FARS2: variants seen among roughly 807,000 people sequenced by gnomAD.
FARS2 encodes phenylalanine--tRNA ligase, mitochondrial.
In FARS2, 40 loss-of-function variants were observed where a neutral mutation model predicts 46.4. The ratio of observed to expected loss-of-function variants is 0.86; its 90% CI spans 0.67 to 1.12. The LOEUF (loss-of-function observed/expected upper bound fraction) is 1.12. Among genes scored for constraint, FARS2 ranks in the 50% most tolerant of loss-of-function variants. FARS2 has a pLI of 0.00. For missense variants in FARS2, 513 were observed against 567.9 expected, an observed-to-expected ratio of 0.90 and a Z score of 0.98; for synonymous variants, 234 against 214.9, an observed-to-expected ratio of 1.09 and a Z score of -0.78.
chr6:5,750,273 TG>T (rs1761872481), intron 6 of FARS2, among the ~76,000 whole-genome samples: 1 of 150,848 alleles, frequency 6.6e-6, no homozygotes, highest in African/African-American at 2.4e-5. Context: ...AGGTCGGGGG[TG>T]GGGCAGGATA....
intron 6 of FARS2, among the ~76,000 whole-genome samples, chr6:5,735,711 A>G (rs1021168023): frequency 6.6e-6 from 1 of 152,186 alleles, no homozygotes; most frequent in Non-Finnish European, 1.5e-5. Context: ...CGTATTTGCT[A>G]TTAATAACCG....
intron 1 of FARS2, among the ~76,000 whole-genome samples, chr6:5,354,475 A>G (rs1757785490): frequency 6.6e-6 from 1 of 151,980 alleles, no homozygotes; most frequent in African/African-American, 2.4e-5. Flanking sequence ...TCTGTTTAAT[A>G]GTACAGTAAC....
chr6:5,268,232 G>T lies in FARS2; in HGVS notation c.-22+6572G>T, dbSNP rs561946893. ...AATTAGATCCCATTTGTCAATTTTGGCTTTTGTTGCCATTGCTTTTGGTGT... is the reference window on the plus strand; with the variant it reads ...AATTAGATCCCATTTGTCAATTTTGTCTTTTGTTGCCATTGCTTTTGGTGT... On this transcript the variant is annotated intron_variant, in intron 1 of 6. Coordinates refer to ENST00000274680, the MANE Select transcript of FARS2 (RefSeq NM_006567.5). Among the ~76,000 whole-genome samples the T allele has an allele frequency of 6.4e-3, 976 of 151,394 alleles. 10 individuals carry two copies. The highest frequency in any genetic ancestry group is 0.044 in the South Asian group (209 of 4,764).
intron 6 of FARS2, among the ~76,000 whole-genome samples, chr6:5,737,498 T>A (rs542982682): frequency 1.3e-5 from 2 of 152,170 alleles, no homozygotes; most frequent in Non-Finnish European, 2.9e-5. Context: ...GCCACTGCAG[T>A]CCAGCCTGGG....
intron 3 of FARS2, among the ~76,000 whole-genome samples, chr6:5,427,692 G>T (rs6911195): frequency 0.48 from 73,587 of 151,834 alleles, 18,058 homozygotes; most frequent in Non-Finnish European, 0.52. Flanking sequence ...ATCGGCTAAC[G>T]TCCCTGCTTT....
At chr6:5,737,296 G>A (rs776175861) in intron 6 of FARS2, among the ~76,000 whole-genome samples, 2 of 152,216 alleles carry the variant, frequency 1.3e-5, no homozygotes, top group Non-Finnish European at 2.9e-5. Flanking sequence ...GCTTCGGGAG[G>A]CCAAGGTGGG....
chr6:5,716,849 G>A (rs1759524629), intron 6 of FARS2, among the ~76,000 whole-genome samples: 3 of 152,180 alleles, frequency 2.0e-5, no homozygotes, highest in Admixed American at 2.0e-4. Context: ...CCCTCTCTGG[G>A]TACACTACCC....
At position 5,369,072 on chromosome 6, in the gene FARS2, C is replaced by A; in HGVS notation, c.502C>A (p.Leu168Met). The change falls in exon 2 of 7, where the codon CTG (leucine) becomes ATG (methionine). Residue 168 changes from leucine to methionine, a missense_variant. Leu to Met is a conservative substitution (Grantham distance 15). Coordinates refer to ENST00000274680, the MANE Select transcript of FARS2 (RefSeq NM_006567.5). ...AHQWDLLHAGLDAFLVVGDVY... is the reference protein window; with the variant it reads ...AHQWDLLHAGMDAFLVVGDVY... ...CCAGTGGGACTTGCTGCACGCGGGA[C>A]TGGATGCCTTCCTGGTGGTGGGTGA... 6.2e-7 allele frequency: 1 copy of A among 1,614,036 alleles called. No individual in the cohort carries two copies. The highest frequency in any genetic ancestry group is 2.2e-5 in the East Asian group (1 of 44,872).
At position 5,683,709 on chromosome 6, in the gene FARS2, C is replaced by T. The variant is rs181756819; in HGVS notation, c.1217+70389C>T. 9.6e-4 allele frequency among the ~76,000 whole-genome samples: 146 copies of T among 152,086 alleles called. 2 individuals carry two copies. Among genetic ancestry groups the T allele is most frequent in the African/African-American group, 2.5e-3 (102 of 41,464 alleles). ...TGGTGGTTTGCTGCACCCGTCAACC[C>T]GTCATCTAGGTTTTAAGCCCCGGAG... On this transcript the variant is annotated intron_variant, in intron 6 of 6. Coordinates refer to ENST00000274680, the MANE Select transcript of FARS2 (RefSeq NM_006567.5).
chr6:5,664,542 G>A (rs1175415478), intron 6 of FARS2, among the ~76,000 whole-genome samples: 1 of 152,152 alleles, frequency 6.6e-6, no homozygotes, highest in Non-Finnish European at 1.5e-5. Flanking sequence ...CTCCACTTCT[G>A]TTTTAAATGA....
chr6:5,431,782 T>G, intron 4 of FARS2: 1 of 467,048 alleles, frequency 2.1e-6, no homozygotes, highest in Non-Finnish European at 4.5e-6. Flanking sequence ...AGACCATTGC[T>G]TAATAAAAAT....
intron 5 of FARS2, among the ~76,000 whole-genome samples, chr6:5,602,001 T>C (rs1774548858): frequency 6.6e-6 from 1 of 152,114 alleles, no homozygotes; most frequent in Non-Finnish European, 1.5e-5. Context: ...CCCTCTCCTG[T>C]TTGACATGCA....
At chr6:5,428,247 G>C (rs1562033079) in intron 3 of FARS2, among the ~76,000 whole-genome samples, 2 of 152,162 alleles carry the variant, frequency 1.3e-5, no homozygotes, top group Non-Finnish European at 2.9e-5. Flanking sequence ...ACAGTTGTGA[G>C]AGATGGAGTT....
At chr6:5,461,584 G>T (rs1021836503) in intron 4 of FARS2, among the ~76,000 whole-genome samples, 2 of 151,822 alleles carry the variant, frequency 1.3e-5, no homozygotes, top group African/African-American at 4.8e-5. Context: ...TTTGAGAGGG[G>T]GGTCTCACTG....
chr6:5,330,182 A>C (rs966613440), intron 1 of FARS2, among the ~76,000 whole-genome samples: 1 of 152,216 alleles, frequency 6.6e-6, no homozygotes, highest in Non-Finnish European at 1.5e-5. Flanking sequence ...ATCAATCAAG[A>C]TACCACAGAA....
chr6:5,483,303 C>A (rs547519813), intron 4 of FARS2, among the ~76,000 whole-genome samples: 1 of 152,196 alleles, frequency 6.6e-6, no homozygotes, highest in Non-Finnish European at 1.5e-5. Context: ...GACCCACCTA[C>A]AACAAAGTCC....
intron 1 of FARS2, among the ~76,000 whole-genome samples, chr6:5,361,817 C>T (rs1758322260): frequency 6.6e-6 from 1 of 152,166 alleles, no homozygotes; most frequent in South Asian, 2.1e-4. Context: ...TTGGCTATTT[C>T]CCTGAAGCTA....
intron 1 of FARS2, among the ~76,000 whole-genome samples, chr6:5,362,890 A>G (rs1758395991): frequency 6.7e-6 from 1 of 148,626 alleles, no homozygotes; most frequent in Non-Finnish European, 1.5e-5. Context: ...CTTTTCAGAA[A>G]TCTTTATTCA....
intron 5 of FARS2, among the ~76,000 whole-genome samples, chr6:5,588,988 G>A (rs191532571): frequency 2.4e-4 from 36 of 152,302 alleles, no homozygotes; most frequent in Middle Eastern, 3.4e-3. Flanking sequence ...TTTCTTGACA[G>A]TTTTAGGTTA....
Sources: allele counts gnomAD v4.1 joint callset (sites outside exome capture counted in the v4.1 genomes callset), GRCh38; gene constraint gnomAD v4.1.1; transcripts MANE v1.5; gene names NCBI Gene and HGNC (gene_info 2026-07-23, HGNC 2026-07-21).